RBFOX2: variants seen among roughly 807,000 people sequenced by gnomAD.
RBFOX2 encodes the protein RNA binding fox-1 homolog 2.
Under a neutral mutation model 49.1 loss-of-function variants are expected in RBFOX2, and 10 were observed. That is an observed-to-expected ratio of 0.20 (90% CI 0.13 to 0.35). RBFOX2 has a LOEUF of 0.35. Ranked by LOEUF, RBFOX2 falls within the 10% of genes least tolerant of loss-of-function variation. RBFOX2 has a pLI of 1.00. For synonymous variants in RBFOX2, 183 were observed against 187.4 expected, an observed-to-expected ratio of 0.98 and a Z score of 0.19; for missense variants, 323 against 486.9, an observed-to-expected ratio of 0.66 and a Z score of 3.17.
At position 35,753,179 on chromosome 22, in the gene RBFOX2, T is replaced by C. The variant is rs558047379; in HGVS notation, c.888-6618A>G. 8.5e-5 allele frequency among the ~76,000 whole-genome samples: 13 copies of C among 152,380 alleles called. No homozygotes were observed. In the South Asian group the frequency reaches 2.5e-3, roughly 29 times the overall value. ...TTCATACTAAACTCTCTATTCCTTC[T>C]ATTTCTAATATGCCTTTCGGAGGAA... On this transcript the variant is annotated intron_variant, in intron 9 of 11. Transcript: ENST00000405409.
chr22:35,902,773 TG>T (rs2048729280), intron 1 of RBFOX2, among the ~76,000 whole-genome samples: 2 of 148,922 alleles, frequency 1.3e-5, no homozygotes, highest in Non-Finnish European at 1.5e-5. Context: ...GCCTCCCAAG[TG>T]GCTGGAACTA....
exon 12 of RBFOX2, chr22:35,744,172 G>A: frequency 4.4e-6 from 7 of 1,600,836 alleles, no homozygotes; most frequent in Non-Finnish European, 6.0e-6. Context: ...ATGAACTGGG[G>A]GGCTGTCCCA....
intron 1 of RBFOX2, among the ~76,000 whole-genome samples, chr22:35,983,730 T>C (rs1184163497): frequency 2.0e-5 from 3 of 152,162 alleles, no homozygotes; most frequent in African/African-American, 7.2e-5. Context: ...TGATAAATGG[T>C]TGGTTAACTG....
At chr22:35,801,069 C>T (rs953484444) in intron 2 of RBFOX2, among the ~76,000 whole-genome samples, 2 of 152,078 alleles carry the variant, frequency 1.3e-5, no homozygotes, top group African/African-American at 4.8e-5. Context: ...AGTGGTAGAA[C>T]GAAGATTACG....
At chr22:35,802,413 C>T (rs1949953478) in intron 2 of RBFOX2, among the ~76,000 whole-genome samples, 1 of 152,190 alleles carries the variant, frequency 6.6e-6, no homozygotes, top group African/African-American at 2.4e-5. Context: ...CAAAAACAGC[C>T]ATTTCAGGAT....
intron 1 of RBFOX2, among the ~76,000 whole-genome samples, chr22:35,947,703 TA>T (rs2038370237): frequency 1.8e-5 from 2 of 113,388 alleles, no homozygotes; most frequent in East Asian, 5.2e-4. Flanking sequence ...AAAAAAAAAT[TA>T]AAAATCTTAA....
chr22:35,877,390 AAAGGC>A (rs2045276152), intron 1 of RBFOX2, among the ~76,000 whole-genome samples: 1 of 152,202 alleles, frequency 6.6e-6, no homozygotes, highest in Admixed American at 6.6e-5. Flanking sequence ...TGAAGGGTAG[AAAGGC>A]AGACCTAACA....
chr22:35,954,953 G>A (rs2055379793), intron 1 of RBFOX2, among the ~76,000 whole-genome samples: 3 of 152,192 alleles, frequency 2.0e-5, no homozygotes, highest in African/African-American at 7.2e-5. Context: ...GGGGTTTGGA[G>A]GATGACCACA....
At chr22:35,795,654 A>T (rs1306564988) in intron 2 of RBFOX2, among the ~76,000 whole-genome samples, 2 of 149,750 alleles carry the variant, frequency 1.3e-5, no homozygotes, top group Admixed American at 6.7e-5. Flanking sequence ...AAAAAAAAAA[A>T]TCCTCTGAGC....
intron 2 of RBFOX2, among the ~76,000 whole-genome samples, chr22:35,802,474 T>C (rs192796624): frequency 1.3e-4 from 20 of 152,282 alleles, no homozygotes; most frequent in Admixed American, 2.0e-4. Flanking sequence ...TCCTGAGAAA[T>C]TGCTTAAACT....
intron 1 of RBFOX2, among the ~76,000 whole-genome samples, chr22:35,849,857 A>G (rs2041705147): frequency 6.6e-6 from 1 of 152,056 alleles, no homozygotes; most frequent in Non-Finnish European, 1.5e-5. Flanking sequence ...AAAAAGCAAA[A>G]AGCTTTGAGT....
chr22:35,816,462 T>C (rs1458591624), intron 1 of RBFOX2, among the ~76,000 whole-genome samples: 1 of 152,156 alleles, frequency 6.6e-6, no homozygotes, highest in Non-Finnish European at 1.5e-5. Flanking sequence ...ACATTTCTGG[T>C]AAGTTAGGTA....
intron 1 of RBFOX2, among the ~76,000 whole-genome samples, chr22:35,991,958 A>G (rs927447901): frequency 6.6e-6 from 1 of 152,198 alleles, no homozygotes; most frequent in Admixed American, 6.5e-5. Flanking sequence ...TTTACTTGCA[A>G]TATCTCATTA....
chr22:36,028,155 C>A (rs1017990991), intron 1 of RBFOX2, 85 bp downstream of exon 1: 1 of 1,345,544 alleles, frequency 7.4e-7, no homozygotes, highest in Non-Finnish European at 9.5e-7. Context: ...TCCCGGAGGC[C>A]CTCCCTCTCT....
intron 1 of RBFOX2, among the ~76,000 whole-genome samples, chr22:36,011,562 C>T (rs895685003): frequency 6.6e-6 from 1 of 151,970 alleles, no homozygotes; most frequent in Non-Finnish European, 1.5e-5. Flanking sequence ...CAGAATAGTA[C>T]GCATACTGTC....
intron 9 of RBFOX2, among the ~76,000 whole-genome samples, chr22:35,753,094 A>G (rs75415293): frequency 0.021 from 3,264 of 152,308 alleles, 115 homozygotes; most frequent in African/African-American, 0.075. Flanking sequence ...CTTAAGCATA[A>G]CCAGCAATTT....
chr22:35,795,628 CAAAAAAAAAAAAA>C (rs139555281), intron 2 of RBFOX2, among the ~76,000 whole-genome samples: 2 of 33,570 alleles, frequency 6.0e-5, no homozygotes, highest in Non-Finnish European at 1.1e-4. Flanking sequence ...TGTAGAAAAG[CAAAAAAAAAAAAA>C]AAAAAAAAAA....
At chr22:35,923,355 C>T (rs567454500) in intron 1 of RBFOX2, among the ~76,000 whole-genome samples, 11 of 150,282 alleles carry the variant, frequency 7.3e-5, no homozygotes, top group Non-Finnish European at 1.6e-4. Context: ...TTTCTTTTTC[C>T]TTTTATTTCC....
At chr22:36,026,429 T>C (rs2059435957) in intron 1 of RBFOX2, among the ~76,000 whole-genome samples, 1 of 151,996 alleles carries the variant, frequency 6.6e-6, no homozygotes, top group Non-Finnish European at 1.5e-5. Flanking sequence ...AATATCACTA[T>C]CTTTAGCCAG....
Sources: gnomAD v4.1 joint callset for allele counts (sites outside exome capture counted in the v4.1 genomes callset) on GRCh38, gnomAD v4.1.1 for gene constraint, MANE v1.5 for transcripts, NCBI Gene and HGNC (gene_info 2026-07-23, HGNC 2026-07-21) for gene names.